Variants in DSCAM observed in about 807,000 individuals in gnomAD.
DSCAM encodes DS cell adhesion molecule, also known as cell adhesion molecule DSCAM.
Under a neutral mutation model 217.7 loss-of-function variants are expected in DSCAM, and 47 were observed. The ratio of observed to expected loss-of-function variants is 0.22; its 90% CI spans 0.17 to 0.28. DSCAM has a LOEUF of 0.28. Among genes scored for constraint, DSCAM ranks in the 10% least tolerant of loss-of-function variants. The pLI is 1.00. For synonymous variants in DSCAM, 1,056 were observed against 1,015.3 expected (o/e 1.04, Z -0.76); for missense variants, 2,080 against 2,618.3 (o/e 0.79, Z 4.49).
At chr21:40,606,828 G>A (rs953935380) in intron 3 of DSCAM, among the ~76,000 whole-genome samples, 1 of 152,224 alleles carries the variant, frequency 6.6e-6, no homozygotes, top group African/African-American at 2.4e-5. Context: ...CCTGCTGGGA[G>A]GTAATTGAAT....
intron 3 of DSCAM, among the ~76,000 whole-genome samples, chr21:40,676,594 T>C (rs987167780): frequency 2.6e-5 from 4 of 152,216 alleles, no homozygotes; most frequent in Non-Finnish European, 5.9e-5. Flanking sequence ...TTTTTTTACT[T>C]AGAGGCAAGG....
At chr21:40,776,216 T>G (rs550533734) in intron 1 of DSCAM, among the ~76,000 whole-genome samples, 43 of 152,282 alleles carry the variant, frequency 2.8e-4, no homozygotes, top group African/African-American at 1.0e-3. Context: ...AATATAATTT[T>G]TTATATTATT....
chr21:40,081,994 C>T (rs1042743344), intron 24 of DSCAM, among the ~76,000 whole-genome samples: 2 of 152,178 alleles, frequency 1.3e-5, no homozygotes, highest in Non-Finnish European at 2.9e-5. Context: ...TCGAGCCCAT[C>T]CCTAGGTGCC....
intron 3 of DSCAM, among the ~76,000 whole-genome samples, chr21:40,637,435 ATAAATATATATATAAATATATACAAAT>A (rs2089800558): frequency 1.3e-4 from 3 of 23,318 alleles, no homozygotes; most frequent in African/African-American, 5.5e-4. Context: ...ATATATAAAT[ATAAATATATATATAAATATATACAAAT>A]ATATATAAAT....
intron 4 of DSCAM, among the ~76,000 whole-genome samples, chr21:40,360,779 G>T (rs771241912): frequency 3.5e-4 from 54 of 152,280 alleles, no homozygotes; most frequent in Non-Finnish European, 5.7e-4. Context: ...GAACATACAA[G>T]TGCATATGTC....
chr21:40,780,958 C>T (rs2837814), intron 1 of DSCAM, among the ~76,000 whole-genome samples: 100,427 of 151,978 alleles, frequency 0.66, 33,643 homozygotes, highest in South Asian at 0.8. Flanking sequence ...AGTTAAATTC[C>T]ACAAAATCAA....
intron 3 of DSCAM, among the ~76,000 whole-genome samples, chr21:40,506,604 T>G (rs527663227): frequency 6.6e-6 from 1 of 152,162 alleles, no homozygotes; most frequent in East Asian, 1.9e-4. Context: ...ACTGTCGAGT[T>G]TGTATATATG....
At position 40,061,690 on chromosome 21, in the gene DSCAM, T is replaced by C. The variant is rs997255504; in HGVS notation, c.4919+1179A>G. 3.1e-4 allele frequency among the ~76,000 whole-genome samples: 47 copies of C among 152,358 alleles called. No individual in the cohort carries two copies. In the Middle Eastern group the frequency reaches 0.014, roughly 44 times the overall value. ...AAATGTCTGTAGGATGGAATCTGTG[T>C]GCCAATGGCATTCTACTACTGCCTT... On this transcript the variant is annotated intron_variant, in intron 28 of 32. Transcript: ENST00000400454.
Position 40,292,749 on chromosome 21 carries a change from C to CT in DSCAM, c.2182+3305_2182+3306insA, listed in dbSNP as rs549552689. Among the ~76,000 whole-genome samples, 88 of 152,018 alleles carry CT rather than the reference C, an allele frequency of 5.8e-4. No individual in the cohort carries two copies. The South Asian group carries it at 8.7e-3, about 15-fold the overall frequency. ...GAAGTCATTATGATATCTTTCTTTTCCTTTTTTTTTTGAGATGGAGTCTCG... is the reference window on the plus strand; with the variant it reads ...GAAGTCATTATGATATCTTTCTTTTCTCTTTTTTTTTTGAGATGGAGTCTCG... On this transcript the variant is annotated intron_variant, in intron 10 of 32. Transcript: ENST00000400454.
At chr21:40,100,593 G>A (rs78015389) in intron 20 of DSCAM, among the ~76,000 whole-genome samples, 10,959 of 150,732 alleles carry the variant, frequency 0.073, 431 homozygotes, top group East Asian at 0.11. Context: ...TCCAGATTTC[G>A]CCTGATATAT....
chr21:40,104,029 T>G (rs2089786863), intron 20 of DSCAM, among the ~76,000 whole-genome samples: 1 of 152,144 alleles, frequency 6.6e-6, no homozygotes, highest in African/African-American at 2.4e-5. Flanking sequence ...TTGATGTAAT[T>G]GTTTAGAATT....
At chr21:40,447,646 G>T (rs965126613) in intron 3 of DSCAM, among the ~76,000 whole-genome samples, 1 of 152,144 alleles carries the variant, frequency 6.6e-6, no homozygotes, top group African/African-American at 2.4e-5. Flanking sequence ...CATTCATCAT[G>T]CAACATAACT....
chr21:40,535,836 C>T (rs150066960), intron 3 of DSCAM, among the ~76,000 whole-genome samples: 1 of 152,300 alleles, frequency 6.6e-6, no homozygotes, highest in Non-Finnish European at 1.5e-5. Context: ...TGAGAGATGT[C>T]TAGGTCCAAC....
chr21:40,753,995 T>A (rs2091252285), intron 1 of DSCAM, among the ~76,000 whole-genome samples: 1 of 152,202 alleles, frequency 6.6e-6, no homozygotes, highest in Non-Finnish European at 1.5e-5. Flanking sequence ...GTGCAAGCAT[T>A]TGACATTCTT....
chr21:40,842,051 T>C (rs1233246186), intron 1 of DSCAM, among the ~76,000 whole-genome samples: 3 of 152,156 alleles, frequency 2.0e-5, no homozygotes, highest in Admixed American at 6.5e-5. Context: ...ACCATCTGCA[T>C]GGAGCAGTCC....
chr21:40,415,751 G>C (rs909507570), intron 3 of DSCAM, among the ~76,000 whole-genome samples: 19 of 152,018 alleles, frequency 1.2e-4, no homozygotes. Context: ...GGGGCCGGTG[G>C]GACCCTCTTC....
At chr21:40,151,939 A>G (rs963809740) in intron 16 of DSCAM, among the ~76,000 whole-genome samples, 1 of 152,202 alleles carries the variant, frequency 6.6e-6, no homozygotes, top group African/African-American at 2.4e-5. Flanking sequence ...GGACACTGTC[A>G]TTCATTTTTT....
intron 2 of DSCAM, among the ~76,000 whole-genome samples, chr21:40,699,121 A>G (rs1262032157): frequency 6.8e-6 from 1 of 146,204 alleles, no homozygotes; most frequent in Non-Finnish European, 1.5e-5. Flanking sequence ...TAATGCTTAC[A>G]ATATTTCAAA....
chr21:40,692,906 C>T lies in DSCAM; in HGVS notation c.412G>A (p.Gly138Ser), dbSNP rs1324343689. ...VRVEDQKTMR[G>S]NVAVFKCIIP... ...ATGCACTTGAAGACCGCAACATTGC[C>T]TCTCATGGTTTTCTGGTCCTCCACA... is the stretch of plus-strand genomic sequence containing the variant. Residue 138 changes from glycine (G) to serine (S), a missense_variant, in exon 3 of 33, where the codon GGC becomes AGC. Gly to Ser is a moderately conservative substitution (Grantham distance 56). Transcript: ENST00000400454. The T allele has an allele frequency of 1.4e-5, 22 of 1,613,912 alleles. No individual in the cohort carries two copies. The highest frequency in any genetic ancestry group is 2.7e-5 in the African/African-American group (2 of 74,904).
Sources: allele counts gnomAD v4.1 joint callset (sites outside exome capture counted in the v4.1 genomes callset), GRCh38; gene constraint gnomAD v4.1.1; transcripts MANE v1.5; gene names NCBI Gene and HGNC (gene_info 2026-07-23, HGNC 2026-07-21).